CACNA2D3: variants seen among roughly 807,000 people sequenced by gnomAD.
CACNA2D3 encodes the protein voltage-dependent calcium channel subunit alpha-2/delta-3.
A neutral mutation model predicts 160.6 loss-of-function variants in CACNA2D3; 60 were observed. The ratio of observed to expected loss-of-function variants is 0.37; its 90% CI spans 0.30 to 0.46. CACNA2D3 has a LOEUF of 0.46. Among genes scored for constraint, CACNA2D3 ranks in the 20% least tolerant of loss-of-function variants. The pLI, the probability that CACNA2D3 is intolerant of heterozygous loss-of-function variation, is 1.00. For synonymous variants in CACNA2D3, 558 were observed against 492.9 expected (o/e 1.13, Z -1.75); for missense variants, 1,205 against 1,365.0 (o/e 0.88, Z 1.85).
intron 2 of CACNA2D3, among the ~76,000 whole-genome samples, chr3:54,241,371 G>A (rs1006712832): frequency 4.6e-5 from 7 of 152,122 alleles, no homozygotes; most frequent in Admixed American, 4.6e-4. Flanking sequence ...AGTATCACGA[G>A]TACCTCTATT....
chr3:54,168,952 G>A (rs577632366), intron 2 of CACNA2D3, among the ~76,000 whole-genome samples: 14 of 152,264 alleles, frequency 9.2e-5, no homozygotes, highest in African/African-American at 3.1e-4. Flanking sequence ...CCCTTGCTGC[G>A]CCATTTTATC....
intron 11 of CACNA2D3, among the ~76,000 whole-genome samples, chr3:54,730,039 C>T (rs1031476111): frequency 6.6e-6 from 1 of 151,020 alleles, no homozygotes; most frequent in Admixed American, 6.6e-5. Flanking sequence ...TTATGGAGGC[C>T]TTTTTATTTT....
chr3:54,761,193 G>T (rs1405348303), intron 12 of CACNA2D3, among the ~76,000 whole-genome samples: 1 of 152,158 alleles, frequency 6.6e-6, no homozygotes, highest in Non-Finnish European at 1.5e-5. Flanking sequence ...AGGATTAGAT[G>T]TGAATACAGG....
chr3:54,376,112 C>T lies in CACNA2D3; in HGVS notation c.322-10603C>T, dbSNP rs552620541. Among the ~76,000 whole-genome samples, 3 of 152,254 alleles carry T rather than the reference C, an allele frequency of 2.0e-5. No homozygotes were observed. The South Asian group carries it at 6.2e-4, about 32-fold the overall frequency. On this transcript the variant is annotated intron_variant, in intron 3 of 37. Coordinates refer to ENST00000474759, the MANE Select transcript of CACNA2D3 (RefSeq NM_018398.3). ...ATGGCCCATGAGACCTCCCGCTGCA[C>T]ACAGGCCACAGTACTCCTTAGCCTA...
At chr3:54,717,339 TCCAGGAGTCGAATTA>T (rs1258185251) in intron 11 of CACNA2D3, among the ~76,000 whole-genome samples, 1 of 152,244 alleles carries the variant, frequency 6.6e-6, no homozygotes, top group Non-Finnish European at 1.5e-5. Context: ...TTAGGGAATA[TCCAGGAGTCGAATTA>T]CCACCTCAAA....
chr3:54,403,399 GCA>G (rs1258540006), intron 4 of CACNA2D3, among the ~76,000 whole-genome samples: 12 of 114,908 alleles, frequency 1.0e-4, no homozygotes, highest in East Asian at 2.5e-4. Context: ...ACACACACAC[GCA>G]CACACAATAA....
chr3:54,786,543 C>CTGTGTTACGAGCTTTTGCATGTGTCAGAT, intron 13 of CACNA2D3, among the ~76,000 whole-genome samples: 2 of 152,144 alleles, frequency 1.3e-5, no homozygotes, highest in African/African-American at 4.8e-5. Context: ...GTAAGCATCC[C>CTGTGTTACGAGCTTTTGCATGTGTCAGAT]AGGACTGAAT....
intron 27 of CACNA2D3, among the ~76,000 whole-genome samples, chr3:54,933,360 AG>A (rs1701253082): frequency 1.3e-5 from 2 of 152,210 alleles, no homozygotes; most frequent in African/African-American, 4.8e-5. Flanking sequence ...TCAGGTTGAC[AG>A]GGGCCTGGGC....
At chr3:54,358,360 A>G (rs981330451) in intron 3 of CACNA2D3, among the ~76,000 whole-genome samples, 1 of 152,242 alleles carries the variant, frequency 6.6e-6, no homozygotes, top group South Asian at 2.1e-4. Context: ...AGAATATACA[A>G]TTTTGTTTAA....
chr3:54,830,310 G>A (rs1232586035), intron 14 of CACNA2D3, among the ~76,000 whole-genome samples: 2 of 151,978 alleles, frequency 1.3e-5, no homozygotes, highest in African/African-American at 2.4e-5. Context: ...TTATAGATGT[G>A]CACAGCTGTG....
At chr3:54,618,352 CATATAT>C (rs140732966) in intron 9 of CACNA2D3, among the ~76,000 whole-genome samples, 1 of 119,890 alleles carries the variant, frequency 8.3e-6, no homozygotes, top group Non-Finnish European at 1.7e-5. Context: ...TTGATACATA[CATATAT>C]ATATATATAT....
At chr3:55,026,991 GCA>G (rs57849063) in intron 35 of CACNA2D3, among the ~76,000 whole-genome samples, 5 of 150,922 alleles carry the variant, frequency 3.3e-5, no homozygotes, top group Non-Finnish European at 4.4e-5. Flanking sequence ...GCGCATGCAC[GCA>G]CACACACACA....
intron 29 of CACNA2D3, among the ~76,000 whole-genome samples, chr3:54,976,189 A>G (rs1002028090): frequency 3.3e-5 from 5 of 151,814 alleles, no homozygotes; most frequent in African/African-American, 1.2e-4. Context: ...TTTAGAAAGT[A>G]AGGGTGGGGG....
At chr3:54,442,027 T>C (rs1700152926) in intron 4 of CACNA2D3, among the ~76,000 whole-genome samples, 1 of 152,206 alleles carries the variant, frequency 6.6e-6, no homozygotes, top group Non-Finnish European at 1.5e-5. Context: ...CAGGCTGGTC[T>C]TGAACTCCTG....
rs757018890 is a variant in CACNA2D3 at position 54,149,877 on chromosome 3, G to GTGTCTCTCTCTCTC, written c.204+26284_204+26285insGTCTCTCTCTCTCT. ...TAGTAACAGAGAGGGCTGTCCTGAA[G>GTGTCTCTCTCTCTC]TATCTGTCTCTCTCTCTCTCTCTCT... On this transcript the variant is annotated intron_variant, in intron 2 of 37. Coordinates refer to ENST00000474759, the MANE Select transcript of CACNA2D3 (RefSeq NM_018398.3). 8.8e-4 allele frequency among the ~76,000 whole-genome samples: 93 copies of GTGTCTCTCTCTCTC among 105,906 alleles called. 14 individuals carry two copies. The highest frequency in any genetic ancestry group is 2.4e-3 in the Admixed American group (23 of 9,784). 69.5% of individuals were successfully genotyped at this position (105,906 alleles called of 152,430 possible).
At chr3:54,277,052 G>T (rs951797610) in intron 2 of CACNA2D3, among the ~76,000 whole-genome samples, 7 of 152,212 alleles carry the variant, frequency 4.6e-5, no homozygotes, top group Non-Finnish European at 1.0e-4. Context: ...CTGGTCCATG[G>T]CATGGAGGTG....
intron 27 of CACNA2D3, among the ~76,000 whole-genome samples, chr3:54,953,932 T>G (rs555007280): frequency 3.9e-5 from 6 of 152,338 alleles, no homozygotes; most frequent in Admixed American, 2.6e-4. Context: ...ATTGTTTATG[T>G]TCTTGTGTCA....
intron 4 of CACNA2D3, among the ~76,000 whole-genome samples, chr3:54,419,447 G>A (rs139193768): frequency 8.5e-5 from 13 of 152,328 alleles, no homozygotes; most frequent in Middle Eastern, 6.8e-3. Flanking sequence ...AGAGAAACAC[G>A]AACAAGAGAC....
intron 10 of CACNA2D3, among the ~76,000 whole-genome samples, chr3:54,636,957 T>C (rs1699387738): frequency 6.6e-6 from 1 of 151,808 alleles, no homozygotes; most frequent in Non-Finnish European, 1.5e-5. Flanking sequence ...AAAGGAATAG[T>C]AAAGAAAGCA....
Sources: gnomAD v4.1 joint callset for allele counts (sites outside exome capture counted in the v4.1 genomes callset) on GRCh38, gnomAD v4.1.1 for gene constraint, MANE v1.5 for transcripts, NCBI Gene and HGNC (gene_info 2026-07-23, HGNC 2026-07-21) for gene names.